AGBL1: variants seen among roughly 807,000 people sequenced by gnomAD.
AGBL1 encodes the protein cytosolic carboxypeptidase 4.
Under a neutral mutation model 118.9 loss-of-function variants are expected in AGBL1, and 130 were observed. The observed-to-expected ratio is 1.09, with a 90% confidence interval of 0.95 to 1.26. The LOEUF is 1.26. Among genes scored for constraint, AGBL1 ranks in the 50% most tolerant of loss-of-function variants. The pLI is 0.00. For synonymous variants in AGBL1, 555 were observed against 478.9 expected, an observed-to-expected ratio of 1.16 and a Z score of -2.08; for missense variants, 1,584 against 1,298.1, an observed-to-expected ratio of 1.22 and a Z score of -3.38.
At chr15:86,523,459 T>C (rs2083217051) in intron 19 of AGBL1, among the ~76,000 whole-genome samples, 1 of 152,162 alleles carries the variant, frequency 6.6e-6, no homozygotes, top group Non-Finnish European at 1.5e-5. Context: ...CAAGTAAGGT[T>C]ACATTCACAA....
intron 5 of AGBL1, among the ~76,000 whole-genome samples, chr15:86,192,013 G>A (rs1354161776): frequency 6.6e-6 from 1 of 151,362 alleles, no homozygotes; most frequent in Non-Finnish European, 1.5e-5. Flanking sequence ...AGGTTGGAGG[G>A]TCGCTTGAGC....
At chr15:86,504,371 A>G (rs1022595407) in intron 18 of AGBL1, among the ~76,000 whole-genome samples, 1 of 151,370 alleles carries the variant, frequency 6.6e-6, no homozygotes, top group African/African-American at 2.4e-5. Flanking sequence ...TCTAATCTCA[A>G]TCTTTAGATT....
At chr15:86,312,979 G>A (rs1342290285) in intron 17 of AGBL1, among the ~76,000 whole-genome samples, 2 of 152,218 alleles carry the variant, frequency 1.3e-5, no homozygotes, top group African/African-American at 2.4e-5. Context: ...GGATTTATGC[G>A]TCGTTGTAAA....
At chr15:86,703,931 C>T (rs2086403417) in intron 22 of AGBL1, among the ~76,000 whole-genome samples, 1 of 152,014 alleles carries the variant, frequency 6.6e-6, no homozygotes, top group Non-Finnish European at 1.5e-5. Context: ...GGTACTGGTA[C>T]CACAACAGAT....
intron 24 of AGBL1, among the ~76,000 whole-genome samples, chr15:87,016,247 A>ATAAC (rs1359309015): frequency 1.1e-5 from 1 of 92,722 alleles, no homozygotes; most frequent in Non-Finnish European, 2.3e-5. Context: ...GGGATTTTTA[A>ATAAC]TAACTGTCCC....
At chr15:86,271,369 A>G (rs1371500580) in intron 14 of AGBL1, among the ~76,000 whole-genome samples, 1 of 152,010 alleles carries the variant, frequency 6.6e-6, no homozygotes, top group African/African-American at 2.4e-5. Flanking sequence ...GCCACGTTGC[A>G]TCTCTTCTAT....
intron 24 of AGBL1, among the ~76,000 whole-genome samples, chr15:87,011,986 T>C (rs16939674): frequency 0.1 from 15,640 of 151,776 alleles, 1,614 homozygotes; most frequent in African/African-American, 0.27. Context: ...CCATGAAACC[T>C]AAGAAAAAAA....
rs2084704381 is a variant in AGBL1, at chr15:86,615,188, A to G, written c.2995-59085A>G. ...AGTAATTCTAGCAGATTTGCCTTCC[A>G]GATGCCTCTGCCAGCAATGCGGGAG... On this transcript the variant is annotated intron_variant, in intron 21 of 22. Transcript: ENST00000614907. This position sits in a 1 kb window ranked among gnomAD's most constrained non-coding sequence, Gnocchi z 4.3. Among the ~76,000 whole-genome samples the G allele has an allele frequency of 6.6e-6, 1 of 152,344 alleles. No individual in the cohort carries two copies.
At chr15:86,561,618 G>T (rs1016444071) in intron 21 of AGBL1, among the ~76,000 whole-genome samples, 9 of 152,180 alleles carry the variant, frequency 5.9e-5, no homozygotes, top group Non-Finnish European at 1.0e-4. Context: ...TTTGGCTTAG[G>T]ATTGTCTTGG....
chr15:86,418,037 A>G (rs997581023), intron 18 of AGBL1, among the ~76,000 whole-genome samples: 2 of 152,188 alleles, frequency 1.3e-5, no homozygotes, highest in African/African-American at 4.8e-5. Flanking sequence ...AATCACACTT[A>G]TCCCAGTTTC....
At chr15:86,839,891 C>T (rs568471146) in intron 22 of AGBL1, among the ~76,000 whole-genome samples, 25 of 152,160 alleles carry the variant, frequency 1.6e-4, no homozygotes, top group African/African-American at 5.6e-4. Context: ...ACCATAACCA[C>T]GATGTTTATA....
intron 18 of AGBL1, among the ~76,000 whole-genome samples, chr15:86,449,571 T>C (rs556030476): frequency 6.6e-6 from 1 of 152,306 alleles, no homozygotes. Context: ...TGTAAAAATG[T>C]GGAGGATTTT....
chr15:86,676,683 T>C (rs1168888624), intron 22 of AGBL1, among the ~76,000 whole-genome samples: 1 of 152,192 alleles, frequency 6.6e-6, no homozygotes, highest in Non-Finnish European at 1.5e-5. Flanking sequence ...CCTCTCCTCC[T>C]GCCTCTTTCT....
intron 22 of AGBL1, among the ~76,000 whole-genome samples, chr15:86,772,138 T>G (rs1320761071): frequency 1.3e-5 from 2 of 151,996 alleles, no homozygotes; most frequent in Non-Finnish European, 2.9e-5. Context: ...TCCTTCAGCA[T>G]CTCCTTGGGA....
At chr15:86,819,691 C>A (rs186177664) in intron 22 of AGBL1, among the ~76,000 whole-genome samples, 1 of 152,124 alleles carries the variant, frequency 6.6e-6, no homozygotes, top group African/African-American at 2.4e-5. Flanking sequence ...GAGGCAGAAT[C>A]TACATTATGA....
intron 5 of AGBL1, among the ~76,000 whole-genome samples, chr15:86,195,773 C>G (rs571319992): frequency 6.6e-6 from 1 of 152,186 alleles, no homozygotes; most frequent in African/African-American, 2.4e-5. Context: ...AATATAGATA[C>G]TGGCTATGCA....
chr15:86,385,852 CAT>C (rs1193931790), intron 17 of AGBL1, among the ~76,000 whole-genome samples: 1 of 152,018 alleles, frequency 6.6e-6, no homozygotes, highest in African/African-American at 2.4e-5. Context: ...GTTTTATTTT[CAT>C]ATGTTAGGAT....
chr15:86,934,138 G>C (rs2080637846), intron 23 of AGBL1, among the ~76,000 whole-genome samples: 2 of 152,172 alleles, frequency 1.3e-5, no homozygotes, highest in African/African-American at 4.8e-5. Flanking sequence ...ATGCTCAGAG[G>C]TCAGAATTAT....
intron 3 of AGBL1, among the ~76,000 whole-genome samples, chr15:86,150,031 G>C (rs1024155733): frequency 1.3e-5 from 2 of 152,028 alleles, no homozygotes; most frequent in Admixed American, 6.6e-5. Context: ...ATAACTACTG[G>C]GTACATAACG....
Sources: gnomAD v4.1 joint callset for allele counts (sites outside exome capture counted in the v4.1 genomes callset) on GRCh38, gnomAD v4.1.1 for gene constraint, Gnocchi (gnomAD v3.1) non-coding constraint, MANE v1.5 for transcripts, NCBI Gene and HGNC (gene_info 2026-07-23, HGNC 2026-07-21) for gene names.